The following THSD7B variants were observed in gnomAD, a reference collection of about 807,000 sequenced individuals.
THSD7B encodes thrombospondin type 1 domain containing 7B.
THSD7B carries 138 observed loss-of-function variants against 213.6 expected under a neutral mutation model. The observed-to-expected ratio is 0.65, with a 90% CI of 0.56 to 0.74. The LOEUF (loss-of-function observed/expected upper bound fraction) is 0.74. Among genes scored for constraint, THSD7B ranks in the 30% least tolerant of loss-of-function variants. The pLI, the probability that THSD7B is intolerant of heterozygous loss-of-function variation, is 0.00. For missense variants in THSD7B, 1,931 were observed against 1,991.5 expected, an observed-to-expected ratio of 0.97 and a Z score of 0.58; for synonymous variants, 742 against 687.0, an observed-to-expected ratio of 1.08 and a Z score of -1.25.
At chr2:137,539,973 A>G (rs137932373) in intron 15 of THSD7B, among the ~76,000 whole-genome samples, 3 of 151,828 alleles carry the variant, frequency 2.0e-5, no homozygotes, top group Middle Eastern at 3.4e-3. Flanking sequence ...TCACATTTGA[A>G]TTTTTCTTCC....
At chr2:136,865,851 G>T (rs527646609) in intron 1 of THSD7B, among the ~76,000 whole-genome samples, 1 of 152,244 alleles carries the variant, frequency 6.6e-6, no homozygotes, top group Admixed American at 6.5e-5. Context: ...AAGATGTGTT[G>T]GAGTGCATCA....
chr2:136,953,466 G>T (rs945911370), intron 2 of THSD7B, among the ~76,000 whole-genome samples: 1 of 152,082 alleles, frequency 6.6e-6, no homozygotes, highest in Non-Finnish European at 1.5e-5. Flanking sequence ...TGGTAAGAAA[G>T]AATTATATAT....
chr2:136,853,125 A>G (rs578079893), intron 1 of THSD7B, among the ~76,000 whole-genome samples: 3 of 152,022 alleles, frequency 2.0e-5, no homozygotes, highest in East Asian at 3.9e-4. Flanking sequence ...AGAAACAAGG[A>G]CACTCTCTTA....
At chr2:137,518,024 G>A (rs1356133647) in intron 15 of THSD7B, among the ~76,000 whole-genome samples, 1 of 151,584 alleles carries the variant, frequency 6.6e-6, no homozygotes, top group Non-Finnish European at 1.5e-5. Context: ...ATCATCAAAT[G>A]GAAGTGGTTG....
intron 2 of THSD7B, among the ~76,000 whole-genome samples, chr2:137,040,682 C>T (rs976390231): frequency 3.9e-5 from 6 of 152,146 alleles, no homozygotes; most frequent in Middle Eastern, 3.4e-3. Context: ...AATGAGCCAC[C>T]GCGCTCAGCA....
At chr2:137,281,226 G>A (rs899865425) in intron 12 of THSD7B, among the ~76,000 whole-genome samples, 6 of 151,882 alleles carry the variant, frequency 4.0e-5, no homozygotes, top group African/African-American at 7.3e-5. Flanking sequence ...TTACACAATA[G>A]TTTTGATGGA....
chr2:136,875,519 G>A (rs1683513520), intron 1 of THSD7B, among the ~76,000 whole-genome samples: 1 of 152,104 alleles, frequency 6.6e-6, no homozygotes, highest in African/African-American at 2.4e-5. Context: ...CCAAAATTGA[G>A]ATTCTTTTAA....
intron 1 of THSD7B, among the ~76,000 whole-genome samples, chr2:136,840,028 A>T (rs1682899315): frequency 6.6e-6 from 1 of 152,178 alleles, no homozygotes; most frequent in Non-Finnish European, 1.5e-5. Context: ...TAAAGGAAAT[A>T]GATAGAAAAA....
intron 3 of THSD7B, among the ~76,000 whole-genome samples, chr2:137,090,633 CAG>C (rs770164332): frequency 2.6e-5 from 4 of 152,030 alleles, no homozygotes; most frequent in Admixed American, 1.3e-4. Flanking sequence ...ATACATGTGA[CAG>C]GGGTCAAATT....
chr2:137,238,280 C>A (rs1405615601), intron 9 of THSD7B, among the ~76,000 whole-genome samples: 1 of 152,066 alleles, frequency 6.6e-6, no homozygotes, highest in Non-Finnish European at 1.5e-5. Context: ...CGTATGGGAA[C>A]CCTTGTGACT....
chr2:137,170,611 C>T (rs1230453379), intron 6 of THSD7B, 130 bp from the exon 7 acceptor site: 1 of 786,286 alleles, frequency 1.3e-6, no homozygotes, highest in Admixed American at 2.9e-5. Flanking sequence ...TAGAATAAAA[C>T]ACATCAAGAT....
chr2:137,399,607 C>A (rs1011825984), intron 12 of THSD7B, among the ~76,000 whole-genome samples: 1 of 152,134 alleles, frequency 6.6e-6, no homozygotes, highest in Non-Finnish European at 1.5e-5. Context: ...GTACTTTTAT[C>A]TTGCTGCTTT....
At chr2:137,240,054 C>T (rs114280601) in intron 9 of THSD7B, among the ~76,000 whole-genome samples, 10 of 152,264 alleles carry the variant, frequency 6.6e-5, no homozygotes, top group African/African-American at 1.9e-4. Context: ...CTCCACCATC[C>T]GATGTTTTCA....
At chr2:137,173,152 A>G (rs1680291794) in intron 7 of THSD7B, among the ~76,000 whole-genome samples, 1 of 152,194 alleles carries the variant, frequency 6.6e-6, no homozygotes, top group Admixed American at 6.5e-5. Context: ...TGAATGGCAT[A>G]TAACCATTCC....
At chr2:136,952,213 A>AC (rs1304210438) in intron 2 of THSD7B, among the ~76,000 whole-genome samples, 10 of 151,066 alleles carry the variant, frequency 6.6e-5, no homozygotes, top group African/African-American at 1.5e-4. Context: ...GCCAACCCCC[A>AC]CCCCCCCAAA....
intron 15 of THSD7B, among the ~76,000 whole-genome samples, chr2:137,509,311 CTCTTTCTTTTCTCTT>C (rs1201137532): frequency 6.8e-6 from 1 of 147,856 alleles, no homozygotes; most frequent in Non-Finnish European, 1.5e-5. Context: ...TCTTTCCTCT[CTCTTTCTTTTCTCTT>C]TCTTTCTTTC....
intron 14 of THSD7B, among the ~76,000 whole-genome samples, chr2:137,435,948 T>C (rs1558796582): frequency 6.6e-6 from 1 of 152,064 alleles, no homozygotes; most frequent in Non-Finnish European, 1.5e-5. Context: ...CATTTAAAAT[T>C]CCCTAAGAGA....
At chr2:137,128,037 A>G (rs549435289) in intron 5 of THSD7B, among the ~76,000 whole-genome samples, 34 of 152,314 alleles carry the variant, frequency 2.2e-4, no homozygotes, top group African/African-American at 7.7e-4. Flanking sequence ...AAGAAAATCT[A>G]TGTAAATGTA....
chr2:137,667,712 A>G lies in THSD7B; in HGVS notation c.4652-62A>G, dbSNP rs115645633. Reference sequence around the variant, plus strand: ...GGGTTGTCAGATCTGATGTTGCCCTATCTCTCAAATGCTGCAGACTTCTGT... The same window carrying G: ...GGGTTGTCAGATCTGATGTTGCCCTGTCTCTCAAATGCTGCAGACTTCTGT... On this transcript the variant is annotated intron_variant, in intron 26 of 27. Transcript: ENST00000409968. 4,298 of 1,367,946 alleles carry G rather than the reference A, an allele frequency of 3.1e-3. 96 individuals carry two copies. In the African/African-American group the frequency reaches 0.052, roughly 17 times the overall value. The allele number at this position is 1,367,946 out of a possible 1,614,324, so 84.7% of individuals were successfully genotyped here. A position where few individuals can be genotyped will look rare whatever the true frequency, so the allele number is the denominator to read the frequency against.
Sources: gnomAD v4.1 joint callset for allele counts (sites outside exome capture counted in the v4.1 genomes callset) on GRCh38, gnomAD v4.1.1 for gene constraint, MANE v1.5 for transcripts, NCBI Gene and HGNC (gene_info 2026-07-23, HGNC 2026-07-21) for gene names.